MPDZ: variants seen among roughly 807,000 people sequenced by gnomAD.
MPDZ encodes multiple PDZ domain crumbs cell polarity complex component.
A neutral mutation model predicts 239.1 loss-of-function variants in MPDZ; 234 were observed. That is an observed-to-expected ratio of 0.98 (90% CI 0.88 to 1.09). MPDZ has a LOEUF of 1.09. Among genes scored for constraint, MPDZ ranks in the 50% least tolerant of loss-of-function variants. The probability of loss-of-function intolerance (pLI) is 0.00; values close to 1 mark genes in which losing one functional copy is unlikely to be tolerated. For missense variants in MPDZ, 3,175 were observed against 2,510.0 expected (o/e 1.26, Z -5.66); for synonymous variants, 1,048 against 881.3 (o/e 1.19, Z -3.35).
intron 12 of MPDZ, among the ~76,000 whole-genome samples, chr9:13,201,591 T>C (rs1956396135): frequency 2.0e-5 from 3 of 152,014 alleles, no homozygotes; most frequent in Admixed American, 6.6e-5. Context: ...ATAATTCTCA[T>C]AGGTCTCCTT....
At chr9:13,119,953 G>T in intron 38 of MPDZ, 1 of 327,164 alleles carries the variant, frequency 3.1e-6, no homozygotes, top group Non-Finnish European at 5.7e-6. Context: ...GCTACTAAGT[G>T]GCAAAAGTAA....
intron 35 of MPDZ, 55 bp from the exon 36 acceptor site, chr9:13,123,353 C>A: frequency 6.9e-7 from 1 of 1,442,552 alleles, no homozygotes; most frequent in South Asian, 1.2e-5. Flanking sequence ...AAGGCATATC[C>A]ATCAAACTCA....
intron 1 of MPDZ, among the ~76,000 whole-genome samples, chr9:13,266,970 T>G (rs1008510239): frequency 6.6e-6 from 1 of 152,142 alleles, no homozygotes; most frequent in African/African-American, 2.4e-5. Context: ...AAAAGGCAAC[T>G]TTATTCCTCA....
chr9:13,276,147 C>T (rs7860349), intron 1 of MPDZ, among the ~76,000 whole-genome samples: 148,611 of 152,272 alleles, frequency 0.98, 72,607 homozygotes, highest in East Asian at 1. Flanking sequence ...TTATTCTGTA[C>T]TCTCCCCAAT....
intron 3 of MPDZ, among the ~76,000 whole-genome samples, chr9:13,227,240 T>A (rs773028258): frequency 6.6e-6 from 1 of 152,174 alleles, no homozygotes; most frequent in African/African-American, 2.4e-5. Flanking sequence ...ATTAGCTTTC[T>A]ACAATCACAG....
At chr9:13,276,567 T>C (rs1030404170) in intron 1 of MPDZ, 1 of 152,328 alleles carries the variant, frequency 6.6e-6, no homozygotes, top group Middle Eastern at 3.4e-3. Flanking sequence ...TCATCACTCA[T>C]ACGCACCATC....
chr9:13,220,107 T>C (rs1958909366), intron 7 of MPDZ, among the ~76,000 whole-genome samples: 1 of 152,014 alleles, frequency 6.6e-6, no homozygotes, highest in Non-Finnish European at 1.5e-5. Flanking sequence ...AAAATGCCCT[T>C]AAGCAAAGTT....
Position 13,211,784 on chromosome 9 carries a change from T to C in MPDZ, c.1290+4990A>G, listed in dbSNP as rs150862933. On this transcript the variant is annotated intron_variant, in intron 10 of 46. Transcript: ENST00000319217. Reference sequence around the variant, plus strand: ...AGTTTTTAAGTAAAATAAAAAGGTATAGGCAAATATAATATGATGCTATTT... The same window carrying C: ...AGTTTTTAAGTAAAATAAAAAGGTACAGGCAAATATAATATGATGCTATTT... Among the ~76,000 whole-genome samples, 256 of 152,184 alleles carry C rather than the reference T, an allele frequency of 1.7e-3. 1 individual carries two copies. The highest frequency in any genetic ancestry group is 3.9e-3 in the Admixed American group (60 of 15,256).
intron 40 of MPDZ, 102 bp from the exon 41 acceptor site, chr9:13,114,123 A>G: frequency 1.1e-6 from 1 of 887,496 alleles, no homozygotes; most frequent in Non-Finnish European, 1.7e-6. Context: ...CCTGTTAAGC[A>G]ACAGTGGCAT....
chr9:13,239,994 C>T (rs1378765661), intron 3 of MPDZ, among the ~76,000 whole-genome samples: 1 of 151,980 alleles, frequency 6.6e-6, no homozygotes, highest in East Asian at 1.9e-4. Context: ...AAATTATATT[C>T]TTATCAAGGT....
Position 13,162,769 on chromosome 9 carries a change from A to G in MPDZ, c.3281T>C (p.Leu1094Ser). 5 of 1,610,756 alleles carry G rather than the reference A, an allele frequency of 3.1e-6. No individual in the cohort carries two copies. The highest frequency in any genetic ancestry group is 2.2e-5 in the East Asian group (1 of 44,598). The change falls in exon 23 of 47, where the codon TTG (leucine) becomes TCG (serine). Residue 1094 changes from leucine to serine, a missense_variant. Physicochemically the swap from Leu to Ser is moderately radical, Grantham distance 145. Transcript: ENST00000319217. ...TCCCAAGCTTATTTTGAACTCTTCC[A>G]AATGTTCTGCAGGCACATAAGTAAT... ...IKITYVPAEH[L>S]EEFKISLGQQ...
In MPDZ at chr9:13,107,046, A is replaced by G. The variant is rs898788571; in HGVS notation, c.6132T>C (p.Ser2044=). The G allele has an allele frequency of 1.2e-6, 2 of 1,611,040 alleles. No homozygotes were observed. Among genetic ancestry groups the G allele is most frequent in the Non-Finnish European group, 1.7e-6 (2 of 1,177,906 alleles). ...CTTCTTCATGGGTGACTCCTTCTAG[A>G]CTCTGCCCATTGACAGCAATGATCT... ...GDQIIAVNGQ[S]LEGVTHEEAV... Residue 2044 remains serine (S), a synonymous_variant, in exon 47 of 47, where the codon AGT becomes AGC. Transcript: ENST00000319217.
chr9:13,125,762 C>T (rs1043252625), intron 34 of MPDZ, among the ~76,000 whole-genome samples: 2 of 152,120 alleles, frequency 1.3e-5, no homozygotes, highest in Non-Finnish European at 2.9e-5. Context: ...AAGCAACTTA[C>T]ACAAACAGTT....
chr9:13,204,495 G>C (rs1194718321), intron 12 of MPDZ, among the ~76,000 whole-genome samples: 1 of 151,932 alleles, frequency 6.6e-6, no homozygotes, highest in Non-Finnish European at 1.5e-5. Context: ...TATAGTGAGA[G>C]AATTCCCAGA....
intron 18 of MPDZ, among the ~76,000 whole-genome samples, chr9:13,185,853 A>G (rs1354408726): frequency 6.6e-6 from 1 of 152,176 alleles, no homozygotes; most frequent in African/African-American, 2.4e-5. Flanking sequence ...GAACCAATTT[A>G]TATGATTCTC....
intron 5 of MPDZ, 48 bp downstream of exon 5, chr9:13,223,523 C>T (rs1266572944): frequency 6.4e-7 from 1 of 1,550,924 alleles, no homozygotes; most frequent in Non-Finnish European, 8.7e-7. Context: ...TAACCAAAAC[C>T]TTCAGAATGT....
At chr9:13,205,275 A>G (rs1956864319) in intron 11 of MPDZ, among the ~76,000 whole-genome samples, 168 bp from the exon 12 acceptor site, 1 of 152,208 alleles carries the variant, frequency 6.6e-6, no homozygotes, top group South Asian at 2.1e-4. Flanking sequence ...GTGGAAAAGA[A>G]TACATTTCTC....
Position 13,221,478 on chromosome 9 carries a change from G to A in MPDZ, c.770C>T (p.Thr257Met), listed in dbSNP as rs746462724. The stretch of plus-strand genomic sequence containing the variant: ...AGATCCATCATTCACCAATTCAATC[G>A]TTTCCATGTGTTGCCAGTGAACCTA... ...SNPVHWQHME[T>M]IELVNDGSGL... Residue 257 changes from threonine (T) to methionine (M), a missense_variant, in exon 7 of 47, where the codon ACG becomes ATG. Transcript: ENST00000319217. 1.1e-5 allele frequency: 17 copies of A among 1,609,878 alleles called. No homozygotes were observed. Among genetic ancestry groups the A allele is most frequent in the African/African-American group, 5.4e-5 (4 of 74,680 alleles).
chr9:13,218,919 G>A (rs1958703098), intron 8 of MPDZ, among the ~76,000 whole-genome samples: 1 of 151,778 alleles, frequency 6.6e-6, no homozygotes, highest in African/African-American at 2.4e-5. Flanking sequence ...ATATCAAGTT[G>A]ACAAGGATGG....
Sources: allele counts gnomAD v4.1 joint callset (sites outside exome capture counted in the v4.1 genomes callset), GRCh38; gene constraint gnomAD v4.1.1; transcripts MANE v1.5; gene names NCBI Gene and HGNC (gene_info 2026-07-23, HGNC 2026-07-21).